The following TCFL5 variants were observed in gnomAD, a reference collection of about 807,000 sequenced individuals.
TCFL5 encodes transcription factor-like 5 protein.
TCFL5 carries 9 observed loss-of-function variants against 44.3 expected under a neutral mutation model. The ratio of observed to expected loss-of-function variants is 0.20; its 90% CI spans 0.12 to 0.35. The LOEUF (loss-of-function observed/expected upper bound fraction) is 0.35, where lower values mean the gene tolerates loss of function less well. Ranked by LOEUF, TCFL5 falls within the 10% of genes least tolerant of loss-of-function variation. The pLI is 1.00. For synonymous variants in TCFL5, 319 were observed against 271.6 expected, an observed-to-expected ratio of 1.17 and a Z score of -1.72; for missense variants, 603 against 613.4, an observed-to-expected ratio of 0.98 and a Z score of 0.18.
chr20:62,847,230 A>G (rs2063755697), intron 5 of TCFL5, among the ~76,000 whole-genome samples: 1 of 152,178 alleles, frequency 6.6e-6, no homozygotes, highest in African/African-American at 2.4e-5. Context: ...AGAAACAATG[A>G]AAGCATTGTG....
In TCFL5 at chr20:62,842,196, A is replaced by G; in HGVS notation, c.1381-99T>C. The G allele has an allele frequency of 1.4e-6, 2 of 1,458,244 alleles. No individual in the cohort carries two copies. The highest frequency in any genetic ancestry group is 1.9e-6 in the Non-Finnish European group (2 of 1,068,842). The allele number at this position is 1,458,244 out of a possible 1,614,324, so 90.3% of individuals were successfully genotyped here. A position where few individuals can be genotyped will look rare whatever the true frequency, so the allele number is the denominator to read the frequency against. The stretch of plus-strand genomic sequence containing the variant: ...GTTCAAATTAAGAGCTAAGTAAATG[A>G]CTTTAGAATACGCTGTTTTAAGGTG... On this transcript the variant is annotated intron_variant, in intron 5 of 5. Transcript: ENST00000335351. This position sits in a 1 kb window ranked among gnomAD's most constrained non-coding sequence, Gnocchi z 4.3.
rs1276974335 is a variant in TCFL5 at position 62,841,472 on chromosome 20, T to C, written c.*503A>G. The C allele has an allele frequency of 6.5e-6, 1 of 154,628 alleles. No homozygotes were observed. Among genetic ancestry groups the C allele is most frequent in the African/African-American group, 2.4e-5 (1 of 41,466 alleles). 9.6% of individuals were successfully genotyped at this position (154,628 alleles called of 1,614,324 possible). On this transcript the variant is annotated 3_prime_UTR_variant, in exon 6 of 6. Transcript: ENST00000335351. ...TTTAAAATGGTCCTGCACGTTGCAATACAGCAGCACGTGACTCAGAGTCAT... is the reference window on the plus strand; with the variant it reads ...TTTAAAATGGTCCTGCACGTTGCAACACAGCAGCACGTGACTCAGAGTCAT...
intron 5 of TCFL5, among the ~76,000 whole-genome samples, chr20:62,847,890 G>T (rs574058288): frequency 5.3e-5 from 8 of 152,340 alleles, no homozygotes; most frequent in African/African-American, 1.9e-4. Flanking sequence ...TGACCAAACG[G>T]CATGGGAGGC....
Position 62,859,470 on chromosome 20 carries a change from C to T in TCFL5, c.888G>A (p.Leu296=), listed in dbSNP as rs769196169. The part of the protein sequence containing the change: ...LEAAKHQDIG[L]PRAFSFCYQQ... ...GATAACAGAAAGAAAATGCTCTAGG[C>T]AATCCAATATCCTGGTGCTTGGCAG... Residue 296 remains leucine (L), a synonymous_variant, in exon 3 of 6, where the codon TTG becomes TTA. Coordinates refer to ENST00000335351, the MANE Select transcript of TCFL5 (RefSeq NM_006602.4). The T allele has an allele frequency of 3.7e-6, 6 of 1,614,060 alleles. No homozygotes were observed. The highest frequency in any genetic ancestry group is 4.5e-5 in the East Asian group (2 of 44,888).
chr20:62,846,270 G>A (rs1036000873), intron 5 of TCFL5, among the ~76,000 whole-genome samples: 3 of 152,192 alleles, frequency 2.0e-5, no homozygotes, highest in East Asian at 3.9e-4. Flanking sequence ...GGCTAGTCCC[G>A]GCGTCTGCCT....
In TCFL5 at chr20:62,857,956, CAAG is replaced by C. The variant is rs1265562252; in HGVS notation, c.995-321_995-319del. 5.4e-5 allele frequency among the ~76,000 whole-genome samples: 8 copies of C among 148,148 alleles called. No individual in the cohort carries two copies. The East Asian group carries it at 6.0e-4, about 11-fold the overall frequency. Reference sequence around the variant, plus strand: ...AGGTGTTATCTATGAATACAGAAAACAAGAAGTTGTTTACTTTTTCTAAAGGTC... The same window carrying C: ...AGGTGTTATCTATGAATACAGAAAACAAGTTGTTTACTTTTTCTAAAGGTC... On this transcript the variant is annotated intron_variant, in intron 3 of 5. Transcript: ENST00000335351.
At chr20:62,851,599 A>G (rs2063810649) in intron 5 of TCFL5, 1 of 985,246 alleles carries the variant, frequency 1.0e-6, no homozygotes, top group Admixed American at 6.1e-5. Context: ...ATCCGATCAG[A>G]ATACATTCAA....
chr20:62,857,291 T>G, intron 4 of TCFL5, 104 bp downstream of exon 4: 2 of 1,470,592 alleles, frequency 1.4e-6, no homozygotes, highest in Non-Finnish European at 1.8e-6. Flanking sequence ...CCTGCTTTAT[T>G]CCCTCTGAAC....
chr20:62,855,856 GTTAT>G (rs1379375170), intron 4 of TCFL5, among the ~76,000 whole-genome samples: 17 of 152,112 alleles, frequency 1.1e-4, no homozygotes, highest in Admixed American at 1.1e-3. Flanking sequence ...CTCACTCACT[GTTAT>G]TTATTTCCTG....
intron 4 of TCFL5, 53 bp from the exon 5 acceptor site, chr20:62,854,210 T>A (rs1387267522): frequency 6.3e-7 from 1 of 1,598,976 alleles, no homozygotes; most frequent in East Asian, 2.2e-5. Flanking sequence ...AAAACAAACA[T>A]GTAAAAGGAA....
chr20:62,856,330 A>G (rs2063889985), intron 4 of TCFL5, among the ~76,000 whole-genome samples: 1 of 114,864 alleles, frequency 8.7e-6, no homozygotes, highest in Non-Finnish European at 2.3e-5. Context: ...AATTCTACAA[A>G]GAAGGATACC....
intron 5 of TCFL5, among the ~76,000 whole-genome samples, chr20:62,851,328 T>G (rs541928597): frequency 6.6e-6 from 1 of 152,326 alleles, no homozygotes; most frequent in South Asian, 2.1e-4. Context: ...GCAAACATAA[T>G]GTATGTAAAG....
intron 3 of TCFL5, among the ~76,000 whole-genome samples, chr20:62,859,078 T>A (rs1430204933): frequency 7.2e-5 from 11 of 152,166 alleles, no homozygotes. Flanking sequence ...TTCAGTAACT[T>A]GAAAATAACT....
At chr20:62,845,615 C>T in intron 5 of TCFL5, 1 of 1,589,860 alleles carries the variant, frequency 6.3e-7, no homozygotes. Context: ...ACCCTCGGAG[C>T]TGGTCTCGGA....
chr20:62,857,610 C>T lies in TCFL5; in HGVS notation c.1023G>A (p.Lys341=). ...GEAALCKQAL[K]RNRSRMRQLD... ...ACTGACGCATTCTACTCCGATTCCT[C>T]TTCAGTGCTTGTTTGCATAGCGCTG... Residue 341 remains lysine, a synonymous_variant, in exon 4 of 6, where the codon AAG becomes AAA. Coordinates refer to ENST00000335351, the MANE Select transcript of TCFL5 (RefSeq NM_006602.4). The T allele has an allele frequency of 6.2e-7, 1 of 1,614,242 alleles. No homozygotes were observed. The highest frequency in any genetic ancestry group is 8.5e-7 in the Non-Finnish European group (1 of 1,180,038).
rs185197685 is a variant in TCFL5 at position 62,855,908 on chromosome 20, G to A, written c.1238+1487C>T. On this transcript the variant is annotated intron_variant, in intron 4 of 5. Coordinates refer to ENST00000335351, the MANE Select transcript of TCFL5 (RefSeq NM_006602.4). The stretch of plus-strand genomic sequence containing the variant: ...AAACTGGTACACAGTACCAGTACTC[G>A]ATACATTATGTAGTTAATTAATTAT... Among the ~76,000 whole-genome samples, 103 of 152,108 alleles carry A rather than the reference G, an allele frequency of 6.8e-4. 1 individual carries two copies. The highest frequency in any genetic ancestry group is 2.3e-3 in the East Asian group (12 of 5,176).
Position 62,849,578 on chromosome 20 carries a change from T to C in TCFL5, c.1380+4438A>G, listed in dbSNP as rs571802065. 1.3e-5 allele frequency among the ~76,000 whole-genome samples: 2 copies of C among 151,720 alleles called. 1 individual carries two copies. Among genetic ancestry groups the C allele is most frequent in the Non-Finnish European group, 3.0e-5 (2 of 67,792 alleles). ...GCTATGAAAGTCATTTTTAGAACAT[T>C]TTGGCTGGGTGTGGTGGTTCATGCC... is the stretch of plus-strand genomic sequence containing the variant. On this transcript the variant is annotated intron_variant, in intron 5 of 5. Coordinates refer to ENST00000335351, the MANE Select transcript of TCFL5 (RefSeq NM_006602.4).
intron 3 of TCFL5, among the ~76,000 whole-genome samples, chr20:62,858,238 G>T (rs922502170): frequency 6.6e-6 from 1 of 152,216 alleles, no homozygotes; most frequent in African/African-American, 2.4e-5. Flanking sequence ...GCTATGCCAC[G>T]TGTGCGTCAG....
chr20:62,844,598 G>A (rs1380768356), intron 5 of TCFL5, among the ~76,000 whole-genome samples: 1 of 130,136 alleles, frequency 7.7e-6, no homozygotes, highest in Non-Finnish European at 1.5e-5. Context: ...TTTTTTTTGA[G>A]ACCGAGTCTC....
Sources: allele counts gnomAD v4.1 joint callset (sites outside exome capture counted in the v4.1 genomes callset), GRCh38; gene constraint gnomAD v4.1.1; non-coding constraint Gnocchi (gnomAD v3.1); transcripts MANE v1.5; gene names NCBI Gene and HGNC (gene_info 2026-07-23, HGNC 2026-07-21).